Variants in TRIOBP observed in about 807,000 individuals in gnomAD.
The protein encoded by TRIOBP is TRIO and F-actin binding protein, also known as TRIO and F-actin-binding protein.
TRIOBP carries 169 observed loss-of-function variants against 238.8 expected under a neutral mutation model. The observed-to-expected ratio is 0.71, with a 90% CI of 0.62 to 0.80. The LOEUF is 0.80. TRIOBP is among the 30% of genes least tolerant of loss of function. The probability of loss-of-function intolerance (pLI) is 0.00; values close to 1 mark genes in which losing one functional copy is unlikely to be tolerated. For missense variants in TRIOBP, 2,838 were observed against 3,122.6 expected (o/e 0.91, Z 2.17); for synonymous variants, 1,150 against 1,274.4 (o/e 0.90, Z 2.08).
At chr22:37,758,162 A>G in intron 16 of TRIOBP, 24 bp downstream of exon 16, 1 of 1,609,986 alleles carries the variant, frequency 6.2e-7, no homozygotes, top group Non-Finnish European at 8.5e-7. Flanking sequence ...CTGGCTCTCT[A>G]GGAGGCCCCT....
At position 37,724,691 on chromosome 22, in the gene TRIOBP, A is replaced by G. The variant is rs199909815; in HGVS notation, c.2135A>G (p.Asn712Ser). ...QRDDPRASSP[N>S]RTTQQENPRT... Reference sequence around the variant, plus strand: ...GACGATCCCAGAGCCTCCTCTCCTAACAGAACCACCCAACAAGAGAACCCC... The same window carrying G: ...GACGATCCCAGAGCCTCCTCTCCTAGCAGAACCACCCAACAAGAGAACCCC... The change falls in exon 7 of 24, where the codon AAC becomes AGC. Residue 712 changes from asparagine (N) to serine (S), a missense_variant. Asn to Ser is a conservative substitution (Grantham distance 46, BLOSUM62 1). Around this residue, in one of 5 missense-constraint regions of TRIOBP, gnomAD observed 167 missense variants for 200.2 expected, o/e 0.83. Coordinates refer to ENST00000644935, the MANE Select transcript of TRIOBP (RefSeq NM_001039141.3). 1.9e-5 allele frequency: 30 copies of G among 1,603,516 alleles called. No homozygotes were observed. Among genetic ancestry groups the G allele is most frequent in the Non-Finnish European group, 2.0e-5 (24 of 1,176,082 alleles).
intron 3 of TRIOBP, among the ~76,000 whole-genome samples, chr22:37,706,368 T>C (rs1391328764): frequency 1.3e-5 from 2 of 151,710 alleles, no homozygotes; most frequent in East Asian, 1.9e-4. Context: ...TGGAAGAAAG[T>C]GTGGAATGAG....
intron 15 of TRIOBP, among the ~76,000 whole-genome samples, chr22:37,756,013 C>T (rs919593036): frequency 1.3e-5 from 2 of 152,182 alleles, no homozygotes; most frequent in Non-Finnish European, 1.5e-5. Flanking sequence ...CCACACCTCC[C>T]GGGATGGGGA....
intron 6 of TRIOBP, among the ~76,000 whole-genome samples, chr22:37,719,686 A>G (rs968912748): frequency 2.6e-5 from 4 of 151,838 alleles, no homozygotes; most frequent in Non-Finnish European, 5.9e-5. Context: ...GGGCTCCCCG[A>G]TCCCTCACTC....
chr22:37,757,480 G>A (rs1299702294), intron 15 of TRIOBP, 133 bp from the exon 16 acceptor site: 22 of 1,249,902 alleles, frequency 1.8e-5, no homozygotes, highest in African/African-American at 4.5e-5. Flanking sequence ...AGCTCAGGTC[G>A]GGCTGCTTCC....
At chr22:37,703,216 G>A (rs1256951960) in intron 3 of TRIOBP, among the ~76,000 whole-genome samples, 1 of 151,798 alleles carries the variant, frequency 6.6e-6, no homozygotes, top group Non-Finnish European at 1.5e-5. Flanking sequence ...GTCTGGTCTC[G>A]AACTCCTGAC....
At chr22:37,711,616 A>C (rs1923250078) in intron 4 of TRIOBP, among the ~76,000 whole-genome samples, 1 of 151,656 alleles carries the variant, frequency 6.6e-6, no homozygotes, top group Non-Finnish European at 1.5e-5. Context: ...AAACAAAAAA[A>C]AACCCACAAA....
intron 3 of TRIOBP, among the ~76,000 whole-genome samples, chr22:37,704,913 A>G (rs1261124940): frequency 6.6e-6 from 1 of 150,592 alleles, no homozygotes; most frequent in East Asian, 1.9e-4. Context: ...CCAAAAAAAA[A>G]AAAAAAAAAA....
At chr22:37,719,011 T>C (rs984695245) in intron 6 of TRIOBP, among the ~76,000 whole-genome samples, 2 of 150,506 alleles carry the variant, frequency 1.3e-5, no homozygotes, top group African/African-American at 4.9e-5. Context: ...CACGCCCAGC[T>C]GACTTTTTGT....
In TRIOBP at chr22:37,723,166, C is replaced by A; in HGVS notation, c.629-19C>A. 6.2e-7 allele frequency: 1 copy of A among 1,613,362 alleles called. No individual in the cohort carries two copies. ...CTGGACCTCTCCCCTTACCTTGAGC[C>A]CCTCTCTTCTCTCTCCAGACACCGG... On this transcript the variant is annotated intron_variant, in intron 6 of 23. Coordinates refer to ENST00000644935, the MANE Select transcript of TRIOBP (RefSeq NM_001039141.3).
At chr22:37,753,227 C>T (rs1235608926) in intron 12 of TRIOBP, among the ~76,000 whole-genome samples, 1 of 152,148 alleles carries the variant, frequency 6.6e-6, no homozygotes, top group Non-Finnish European at 1.5e-5. Flanking sequence ...GGATGGGCGC[C>T]GCTCGCCTCA....
intron 11 of TRIOBP, chr22:37,746,173 C>G (rs1372486704): frequency 1.9e-6 from 2 of 1,037,792 alleles, no homozygotes; most frequent in African/African-American, 3.5e-5. Context: ...GTCTCGGCTT[C>G]CCCGCCACCC....
chr22:37,750,765 G>A (rs980745516), intron 11 of TRIOBP: 6 of 470,516 alleles, frequency 1.3e-5, no homozygotes, highest in Admixed American at 7.0e-5. Flanking sequence ...AAGGGGCTCC[G>A]TGGGTGGAGA....
At chr22:37,764,666 C>T (rs535800533) in intron 17 of TRIOBP, among the ~76,000 whole-genome samples, 3 of 152,312 alleles carry the variant, frequency 2.0e-5, no homozygotes, top group South Asian at 4.1e-4. Flanking sequence ...GCCACCGGAC[C>T]ACCCCCAACA....
At chr22:37,726,560 C>T (rs747149730) in intron 7 of TRIOBP, 57 bp downstream of exon 7, 2 of 1,415,398 alleles carry the variant, frequency 1.4e-6, no homozygotes, top group Non-Finnish European at 1.8e-6. Flanking sequence ...GGCAGCAGGA[C>T]AGGTGAAGGG....
Position 37,725,973 on chromosome 22 carries a change from C to T in TRIOBP, c.3417C>T (p.Leu1139=), listed in dbSNP as rs781152926. The change falls in exon 7 of 24, where the codon CTC becomes CTT. Residue 1139 remains leucine (L), a synonymous_variant. Coordinates refer to ENST00000644935, the MANE Select transcript of TRIOBP (RefSeq NM_001039141.3). ...AGCCTTCCCTCTTATTCCAGGACCT[C>T]CCCAGGGCCAGCACAGAGAGCCTTG... is the stretch of plus-strand genomic sequence containing the variant. ...APEPSLLFQD[L]PRASTESLVP... is the part of the protein sequence containing the mutation. 5 of 1,611,472 alleles carry T rather than the reference C, an allele frequency of 3.1e-6. No homozygotes were observed. In the South Asian group the frequency reaches 5.5e-5, roughly 18 times the overall value.
chr22:37,736,720 C>T (rs1924688499), intron 9 of TRIOBP, among the ~76,000 whole-genome samples: 1 of 152,142 alleles, frequency 6.6e-6, no homozygotes, highest in Non-Finnish European at 1.5e-5. Flanking sequence ...CTCCGCCCCC[C>T]AGGTTCAAGC....
chr22:37,759,118 C>T, intron 16 of TRIOBP, 36 bp from the exon 17 acceptor site: 1 of 1,559,726 alleles, frequency 6.4e-7, no homozygotes, highest in Non-Finnish European at 8.7e-7. Context: ...CCTGCCCCAG[C>T]TTCCAGGTCC....
intron 9 of TRIOBP, 137 bp downstream of exon 9, chr22:37,735,579 AC>A: frequency 2.0e-6 from 2 of 1,019,740 alleles, no homozygotes; most frequent in Non-Finnish European, 2.9e-6. Flanking sequence ...CTCCCTGCTG[AC>A]CACAACCCAT....
Sources: gnomAD v4.1 joint callset for allele counts (sites outside exome capture counted in the v4.1 genomes callset) on GRCh38, gnomAD v4.1.1 for gene constraint, gnomAD v4.1.1 regional missense constraint, MANE v1.5 for transcripts, NCBI Gene and HGNC (gene_info 2026-07-23, HGNC 2026-07-21) for gene names.